ARMH3: variants seen among roughly 807,000 people sequenced by gnomAD.
ARMH3 encodes the protein armadillo like helical domain containing 3.
A neutral mutation model predicts 99.1 loss-of-function variants in ARMH3; 60 were observed. The ratio of observed to expected loss-of-function variants is 0.61; its 90% CI spans 0.49 to 0.75. The LOEUF (loss-of-function observed/expected upper bound fraction) is 0.75. Among genes scored for constraint, ARMH3 ranks in the 30% least tolerant of loss-of-function variants. The probability of loss-of-function intolerance (pLI) is 0.00; values close to 1 mark genes in which losing one functional copy is unlikely to be tolerated. For missense variants in ARMH3, 679 were observed against 843.1 expected (o/e 0.81, Z 2.41); for synonymous variants, 285 against 292.8 (o/e 0.97, Z 0.27).
chr10:101,999,246 C>T (rs1004117818), intron 15 of ARMH3, among the ~76,000 whole-genome samples: 5 of 151,264 alleles, frequency 3.3e-5, no homozygotes, highest in African/African-American at 7.3e-5. Context: ...GGCTAGAGTG[C>T]AGTGGCATGA....
At chr10:101,906,144 T>C (rs1842627534) in intron 23 of ARMH3, among the ~76,000 whole-genome samples, 1 of 152,246 alleles carries the variant, frequency 6.6e-6, no homozygotes, top group South Asian at 2.1e-4. Flanking sequence ...CCACAATCCA[T>C]TTTCCTGTTC....
intron 5 of ARMH3, among the ~76,000 whole-genome samples, chr10:102,028,060 A>G (rs892302030): frequency 6.6e-6 from 1 of 152,054 alleles, no homozygotes; most frequent in Middle Eastern, 3.4e-3. Context: ...CCAAAAAAAA[A>G]AAATAAAGAA....
intron 24 of ARMH3, among the ~76,000 whole-genome samples, chr10:101,871,102 T>TA (rs1324818257): frequency 6.6e-6 from 1 of 152,228 alleles, no homozygotes; most frequent in East Asian, 1.9e-4. Context: ...TTACATGACA[T>TA]AAAAATGAAA....
At chr10:101,890,749 C>T (rs967935936) in intron 23 of ARMH3, among the ~76,000 whole-genome samples, 1 of 152,120 alleles carries the variant, frequency 6.6e-6, no homozygotes, top group African/African-American at 2.4e-5. Flanking sequence ...TGTAGATTGC[C>T]AGTGATATCA....
intron 15 of ARMH3, 119 bp from the exon 16 acceptor site, chr10:101,995,474 T>A: frequency 1.2e-6 from 1 of 834,276 alleles, no homozygotes; most frequent in Non-Finnish European, 1.9e-6. Flanking sequence ...TCCCACAAAA[T>A]CCATAAATGA....
intron 23 of ARMH3, 117 bp from the exon 24 acceptor site, chr10:101,889,607 A>T: frequency 1.1e-6 from 1 of 901,136 alleles, no homozygotes; most frequent in Non-Finnish European, 1.9e-6. Context: ...ACCGATTGTG[A>T]CTGGGTAACT....
At chr10:101,988,781 A>G (rs533132267) in intron 19 of ARMH3, among the ~76,000 whole-genome samples, 1 of 151,828 alleles carries the variant, frequency 6.6e-6, no homozygotes, top group African/African-American at 2.4e-5. Context: ...AAAATTAGCC[A>G]ACATGGTGGT....
rs552034683 is a variant in ARMH3 at position 101,858,469 on chromosome 10, A to AAG, written c.1861-8579_1861-8578dup. On this transcript the variant is annotated intron_variant, in intron 24 of 25. Coordinates refer to ENST00000370033, the MANE Select transcript of ARMH3 (RefSeq NM_024541.3). ...GCTTGGCACACAGAAAGCACTTAAG[A>AAG]AGTGTAGCTATTACTACTATTTTCT... 1.1e-4 allele frequency among the ~76,000 whole-genome samples: 16 copies of AAG among 152,340 alleles called. No individual in the cohort carries two copies. In the South Asian group the frequency reaches 3.3e-3, roughly 32 times the overall value.
intron 19 of ARMH3, among the ~76,000 whole-genome samples, chr10:101,984,888 G>A (rs541880494): frequency 1.4e-4 from 22 of 152,034 alleles, no homozygotes; most frequent in Non-Finnish European, 2.4e-4. Context: ...GGCCAAGATG[G>A]TGAAACCCCG....
At chr10:101,898,682 A>G (rs945148549) in intron 23 of ARMH3, among the ~76,000 whole-genome samples, 2 of 152,252 alleles carry the variant, frequency 1.3e-5, no homozygotes, top group East Asian at 1.9e-4. Flanking sequence ...CAATACGCGC[A>G]CACGCGCACA....
chr10:101,889,360 A>G, intron 24 of ARMH3, 52 bp downstream of exon 24: 1 of 1,517,654 alleles, frequency 6.6e-7, no homozygotes, highest in South Asian at 1.1e-5. Context: ...AGAGAAGGCA[A>G]CTGCTTGATC....
Position 101,861,706 on chromosome 10 carries a change from G to A in ARMH3, c.1861-11814C>T, listed in dbSNP as rs528822550. Among the ~76,000 whole-genome samples the A allele has an allele frequency of 3.4e-4, 50 of 145,204 alleles. 1 individual carries two copies. Among genetic ancestry groups the A allele is most frequent in the Admixed American group, 1.5e-3 (21 of 14,128 alleles). On this transcript the variant is annotated intron_variant, in intron 24 of 25. Coordinates refer to ENST00000370033, the MANE Select transcript of ARMH3 (RefSeq NM_024541.3). ...GATTGCACTACTACACTCCAGGCTGGGCAACAGAGCGAGACTCCGTCTCAA... is the reference window on the plus strand; with the variant it reads ...GATTGCACTACTACACTCCAGGCTGAGCAACAGAGCGAGACTCCGTCTCAA...
intron 19 of ARMH3, among the ~76,000 whole-genome samples, chr10:101,979,312 G>A (rs1047080084): frequency 9.2e-5 from 14 of 152,030 alleles, no homozygotes; most frequent in Non-Finnish European, 1.9e-4. Flanking sequence ...AAAAAGGAAT[G>A]GCTACAACAT....
At chr10:101,915,319 G>T (rs1158148898) in intron 23 of ARMH3, among the ~76,000 whole-genome samples, 1 of 152,198 alleles carries the variant, frequency 6.6e-6, no homozygotes, top group African/African-American at 2.4e-5. Context: ...AAGTCACTTA[G>T]GGAATCAGCA....
chr10:101,969,703 A>G (rs999028180), intron 20 of ARMH3, among the ~76,000 whole-genome samples: 2 of 152,186 alleles, frequency 1.3e-5, no homozygotes, highest in African/African-American at 4.8e-5. Flanking sequence ...TACTTAGCAC[A>G]GTGAAGCTGA....
intron 20 of ARMH3, among the ~76,000 whole-genome samples, chr10:101,974,602 G>T (rs1845909071): frequency 1.3e-5 from 2 of 152,200 alleles, no homozygotes; most frequent in South Asian, 4.1e-4. Context: ...CCCTGCAGGG[G>T]TAGCAGTGAC....
At chr10:102,027,749 G>C (rs1052257567) in intron 5 of ARMH3, among the ~76,000 whole-genome samples, 2 of 151,826 alleles carry the variant, frequency 1.3e-5, no homozygotes, top group African/African-American at 4.8e-5. Context: ...AACTGCAAAA[G>C]GCCAGAATTT....
At chr10:101,891,717 T>C (rs1297703883) in intron 23 of ARMH3, among the ~76,000 whole-genome samples, 1 of 152,252 alleles carries the variant, frequency 6.6e-6, no homozygotes, top group Non-Finnish European at 1.5e-5. Flanking sequence ...TGACATAAAA[T>C]GACGGAAATT....
At chr10:102,004,827 T>C (rs1304845486) in intron 14 of ARMH3, among the ~76,000 whole-genome samples, 1 of 152,018 alleles carries the variant, frequency 6.6e-6, no homozygotes, top group Non-Finnish European at 1.5e-5. Flanking sequence ...CCCAGCACTT[T>C]GGGAGCCCGA....
Sources: allele counts gnomAD v4.1 joint callset (sites outside exome capture counted in the v4.1 genomes callset), GRCh38; gene constraint gnomAD v4.1.1; transcripts MANE v1.5; gene names NCBI Gene and HGNC (gene_info 2026-07-23, HGNC 2026-07-21).